The following PRKCH variants were observed in gnomAD, a reference collection of about 807,000 sequenced individuals.
The protein encoded by PRKCH is protein kinase C eta type.
In PRKCH, 28 loss-of-function variants were observed where a neutral mutation model predicts 82.5. The ratio of observed to expected loss-of-function variants is 0.34; its 90% CI spans 0.25 to 0.47. PRKCH has a LOEUF of 0.47. PRKCH is among the 20% of genes least tolerant of loss of function. The pLI, the probability that PRKCH is intolerant of heterozygous loss-of-function variation, is 1.00. For missense variants in PRKCH, 705 were observed against 881.8 expected (o/e 0.80, Z 2.54); for synonymous variants, 322 against 327.4 (o/e 0.98, Z 0.18).
At chr14:61,529,429 C>A (rs1049721582) in intron 11 of PRKCH, among the ~76,000 whole-genome samples, 2 of 152,188 alleles carry the variant, frequency 1.3e-5, no homozygotes, top group East Asian at 3.9e-4. Flanking sequence ...AAAAGAAAAT[C>A]ATGCTGCTAT....
intron 2 of PRKCH, among the ~76,000 whole-genome samples, chr14:61,413,403 GCCC>G (rs1319235981): frequency 9.8e-5 from 4 of 40,894 alleles, no homozygotes; most frequent in African/African-American, 1.3e-4. Context: ...CTTTTTAAGC[GCCC>G]CCCCCCCGCC....
chr14:61,384,591 A>G (rs905826568), intron 1 of PRKCH, among the ~76,000 whole-genome samples: 8 of 151,988 alleles, frequency 5.3e-5, no homozygotes, highest in Non-Finnish European at 1.2e-4. Context: ...GATAGGGGAT[A>G]AGTTCAGATG....
Position 61,342,702 on chromosome 14 carries a change from A to G in PRKCH, c.363+20238A>G, listed in dbSNP as rs942891259. Among the ~76,000 whole-genome samples the G allele has an allele frequency of 3.3e-5, 5 of 152,292 alleles. No individual in the cohort carries two copies. The East Asian group carries it at 9.7e-4, about 29-fold the overall frequency. On this transcript the variant is annotated intron_variant, in intron 1 of 13. Transcript: ENST00000332981. ...ACAGGGCGGAGGTGTTTCAGCCCTC[A>G]CTGAAAATGCAACAGATCTTAACAT...
intron 10 of PRKCH, 79 bp downstream of exon 10, chr14:61,485,735 T>C: frequency 6.8e-7 from 1 of 1,480,780 alleles, no homozygotes; most frequent in Non-Finnish European, 9.1e-7. Context: ...CCACTTCTCA[T>C]GATAATCAGT....
intron 10 of PRKCH, among the ~76,000 whole-genome samples, chr14:61,505,731 A>G (rs1594770511): frequency 6.6e-6 from 1 of 152,238 alleles, no homozygotes; most frequent in East Asian, 1.9e-4. Flanking sequence ...TTCATGACCT[A>G]GCCACCTCCC....
At chr14:61,240,149 A>T (rs547240716) in intron 1 of PRKCH, among the ~76,000 whole-genome samples, 7,235 of 152,256 alleles carry the variant, frequency 0.048, 232 homozygotes, top group Middle Eastern at 0.095. Context: ...TCTCACACTG[A>T]TAAGATTGAC....
At chr14:61,500,054 C>CT (rs1356802426) in intron 10 of PRKCH, among the ~76,000 whole-genome samples, 1 of 150,108 alleles carries the variant, frequency 6.7e-6, no homozygotes, top group Non-Finnish European at 1.5e-5. Flanking sequence ...ATCCATAAAC[C>CT]ATCCATGTTA....
chr14:61,478,481 A>G (rs1296405320), intron 9 of PRKCH, among the ~76,000 whole-genome samples: 1 of 152,206 alleles, frequency 6.6e-6, no homozygotes, highest in African/African-American at 2.4e-5. Context: ...TGTATGAGGC[A>G]CTTGGCTTCT....
At chr14:61,295,599 C>T (rs1415166734) in intron 1 of PRKCH, among the ~76,000 whole-genome samples, 1 of 152,214 alleles carries the variant, frequency 6.6e-6, no homozygotes, top group Admixed American at 6.5e-5. Flanking sequence ...AATGCCGAAT[C>T]CAGTGCCTGG....
chr14:61,438,438 G>A (rs1371317422), intron 2 of PRKCH, among the ~76,000 whole-genome samples: 1 of 152,106 alleles, frequency 6.6e-6, no homozygotes, highest in African/African-American at 2.4e-5. Context: ...GATTTAATTT[G>A]CTTACAATCA....
In PRKCH at chr14:61,457,499, G is replaced by T; in HGVS notation, c.1105-7G>T. On this transcript the variant is annotated splice_polypyrimidine_tract_variant and splice_region_variant and intron_variant, in intron 8 of 13. Transcript: ENST00000332981. ...CCCTCATGCTCCCTCCTTTTGCTTT[G>T]CCATAGGTGATGCTTGCAAGAGTAA... 1 of 1,613,442 alleles carries T rather than the reference G, an allele frequency of 6.2e-7. No homozygotes were observed. The highest frequency in any genetic ancestry group is 8.5e-7 in the Non-Finnish European group (1 of 1,179,580).
At chr14:61,222,094 A>G (rs1233390243) in intron 1 of PRKCH, among the ~76,000 whole-genome samples, 1 of 152,194 alleles carries the variant, frequency 6.6e-6, no homozygotes, top group Non-Finnish European at 1.5e-5. Flanking sequence ...TGCCTTCTGA[A>G]AAAACAGAGT....
At chr14:61,549,187 G>A (rs2043296685) in intron 13 of PRKCH, among the ~76,000 whole-genome samples, 1 of 152,196 alleles carries the variant, frequency 6.6e-6, no homozygotes, top group South Asian at 2.1e-4. Flanking sequence ...TACCTAGAGA[G>A]TAAAATGACC....
upstream of PRKCH, among the ~76,000 whole-genome samples, chr14:61,317,062 G>A (rs894524325): frequency 6.6e-6 from 1 of 152,210 alleles, no homozygotes; most frequent in Admixed American, 6.5e-5. Context: ...CACGTCAAAC[G>A]TGTGACTTCA....
At chr14:61,471,342 T>C (rs1480737305) in intron 9 of PRKCH, among the ~76,000 whole-genome samples, 1 of 152,208 alleles carries the variant, frequency 6.6e-6, no homozygotes, top group Admixed American at 6.5e-5. Flanking sequence ...GGACATTCAG[T>C]GGTAAGACTG....
intron 10 of PRKCH, among the ~76,000 whole-genome samples, chr14:61,500,511 G>T (rs987863315): frequency 6.6e-6 from 1 of 152,056 alleles, no homozygotes; most frequent in South Asian, 2.1e-4. Flanking sequence ...TCTTTAACTG[G>T]ATATTGTTGA....
At chr14:61,472,773 C>G (rs1315968249) in intron 9 of PRKCH, among the ~76,000 whole-genome samples, 1 of 152,194 alleles carries the variant, frequency 6.6e-6, no homozygotes, top group Non-Finnish European at 1.5e-5. Context: ...GCTGAATAGT[C>G]TCTAAATATT....
intron 2 of PRKCH, among the ~76,000 whole-genome samples, chr14:61,437,832 C>T (rs1286448424): frequency 6.6e-6 from 1 of 151,970 alleles, no homozygotes. Context: ...TGCAATGGCT[C>T]ACACCTGTAA....
chr14:61,315,782 C>A (rs542668552), intron 1 of PRKCH, among the ~76,000 whole-genome samples: 21 of 146,314 alleles, frequency 1.4e-4, no homozygotes, highest in Middle Eastern at 7.2e-3. Flanking sequence ...CGGAGTCGCT[C>A]TGTCACCCAG....
Sources: gnomAD v4.1 joint callset for allele counts (sites outside exome capture counted in the v4.1 genomes callset) on GRCh38, gnomAD v4.1.1 for gene constraint, MANE v1.5 for transcripts, NCBI Gene and HGNC (gene_info 2026-07-23, HGNC 2026-07-21) for gene names.